HMBOX1: variants seen among roughly 807,000 people sequenced by gnomAD.
HMBOX1 encodes the protein homeobox containing 1.
A neutral mutation model predicts 54.5 loss-of-function variants in HMBOX1; 14 were observed. The observed-to-expected ratio is 0.26, with a 90% CI of 0.17 to 0.40. HMBOX1 has a LOEUF of 0.40. HMBOX1 is among the 10% of genes least tolerant of loss of function. The probability of loss-of-function intolerance (pLI) is 1.00; values close to 1 mark genes in which losing one functional copy is unlikely to be tolerated. For synonymous variants in HMBOX1, 160 were observed against 181.0 expected, an observed-to-expected ratio of 0.88 and a Z score of 0.93; for missense variants, 332 against 514.4, an observed-to-expected ratio of 0.65 and a Z score of 3.43.
chr8:28,964,748 T>C (rs1826163707), intron 2 of HMBOX1, among the ~76,000 whole-genome samples: 1 of 137,818 alleles, frequency 7.3e-6, no homozygotes, highest in Admixed American at 7.3e-5. Context: ...GTAGATTCTA[T>C]GATATAGTGA....
intron 6 of HMBOX1, among the ~76,000 whole-genome samples, chr8:29,023,113 T>C (rs1801450169): frequency 6.6e-6 from 1 of 152,040 alleles, no homozygotes; most frequent in South Asian, 2.1e-4. Context: ...TTTACATAGC[T>C]AGATAGGTAT....
chr8:28,937,201 G>T (rs1205747515), intron 1 of HMBOX1, among the ~76,000 whole-genome samples: 1 of 152,186 alleles, frequency 6.6e-6, no homozygotes, highest in Non-Finnish European at 1.5e-5. Context: ...CTGTACAGAT[G>T]TCCTAAATCT....
At chr8:28,909,140 G>A (rs1288272263) in intron 1 of HMBOX1, among the ~76,000 whole-genome samples, 1 of 151,756 alleles carries the variant, frequency 6.6e-6, no homozygotes, top group African/African-American at 2.4e-5. Context: ...CACCAGGGTA[G>A]TTGGGGCATT....
intron 1 of HMBOX1, among the ~76,000 whole-genome samples, chr8:28,905,167 G>A (rs559279344): frequency 1.3e-5 from 2 of 152,308 alleles, no homozygotes; most frequent in South Asian, 2.1e-4. Context: ...GGTTGATTAT[G>A]ATGGTTGGTT....
chr8:28,939,854 T>C (rs758519706), intron 1 of HMBOX1, among the ~76,000 whole-genome samples: 18 of 152,054 alleles, frequency 1.2e-4, no homozygotes, highest in Non-Finnish European at 2.4e-4. Context: ...ACACTCTGAT[T>C]GCAGTAAGTT....
At chr8:28,992,367 T>C (rs761730042) in intron 4 of HMBOX1, among the ~76,000 whole-genome samples, 37 of 152,166 alleles carry the variant, frequency 2.4e-4, no homozygotes, top group Non-Finnish European at 2.9e-4. Context: ...CGTTAACCAT[T>C]ATAATTGCTT....
At chr8:28,894,954 A>C (rs28499380) in intron 1 of HMBOX1, among the ~76,000 whole-genome samples, 3,797 of 151,896 alleles carry the variant, frequency 0.025, 152 homozygotes, top group African/African-American at 0.088. Context: ...AAAAAAAAAA[A>C]CAGTAACAAT....
At chr8:28,996,190 G>A (rs1831801564) in intron 4 of HMBOX1, among the ~76,000 whole-genome samples, 5 of 151,890 alleles carry the variant, frequency 3.3e-5, no homozygotes, top group Non-Finnish European at 7.4e-5. Flanking sequence ...TCTTTATATA[G>A]GTTTATATAA....
intron 1 of HMBOX1, among the ~76,000 whole-genome samples, chr8:28,922,842 G>T (rs770236633): frequency 6.6e-6 from 1 of 151,940 alleles, no homozygotes; most frequent in Admixed American, 6.6e-5. Context: ...TACTTTTGTG[G>T]CATAATAATA....
chr8:28,975,947 TGAATGAGGAGA>T (rs1266253603), intron 3 of HMBOX1, among the ~76,000 whole-genome samples: 3 of 152,082 alleles, frequency 2.0e-5, no homozygotes, highest in Non-Finnish European at 4.4e-5. Flanking sequence ...TAAAGAAGGC[TGAATGAGGAGA>T]GAATGAGGGT....
intron 1 of HMBOX1, among the ~76,000 whole-genome samples, chr8:28,961,905 T>G (rs1196064901): frequency 1.5e-5 from 2 of 134,824 alleles, no homozygotes; most frequent in East Asian, 2.3e-4. Flanking sequence ...TTTTTTTTTT[T>G]TTTTTTTCTT....
chr8:29,012,924 A>G (rs1239092708), intron 5 of HMBOX1, among the ~76,000 whole-genome samples: 1 of 152,118 alleles, frequency 6.6e-6, no homozygotes, highest in East Asian at 1.9e-4. Context: ...TCTGTCTAGG[A>G]AAGATAGCTC....
intron 4 of HMBOX1, among the ~76,000 whole-genome samples, chr8:28,983,406 C>G (rs1050827915): frequency 6.6e-6 from 1 of 152,168 alleles, no homozygotes; most frequent in Non-Finnish European, 1.5e-5. Context: ...ATACCTTTCA[C>G]CTCCTCATCT....
rs1157418182 is a variant in HMBOX1 at position 29,045,517 on chromosome 8, A to C, written c.934+74A>C. The C allele has an allele frequency of 1.0e-5, 12 of 1,156,470 alleles. No individual in the cohort carries two copies. The Admixed American group carries it at 2.0e-4, about 20-fold the overall frequency. The allele number at this position is 1,156,470 out of a possible 1,614,324, so 71.6% of individuals were successfully genotyped here. On this transcript the variant is annotated intron_variant, in intron 7 of 9. Coordinates refer to ENST00000287701, the MANE Select transcript of HMBOX1 (RefSeq NM_001135726.3). ...TTACAGGTTGGCATCTAGGACACTT[A>C]ATCTTATGCGTGCCTTGGCATGGTG... is the stretch of plus-strand genomic sequence containing the variant.
At chr8:28,951,586 G>A (rs571811876) in intron 1 of HMBOX1, among the ~76,000 whole-genome samples, 1 of 152,282 alleles carries the variant, frequency 6.6e-6, no homozygotes, top group South Asian at 2.1e-4. Flanking sequence ...GGAAAAGGAA[G>A]CCTGGAAAAA....
intron 2 of HMBOX1, among the ~76,000 whole-genome samples, chr8:28,965,727 T>A (rs1354739909): frequency 6.6e-6 from 1 of 152,236 alleles, no homozygotes; most frequent in Non-Finnish European, 1.5e-5. Flanking sequence ...TTGGAGAAGC[T>A]GCTGACAGAG....
At chr8:28,942,950 G>T (rs1455276469) in intron 1 of HMBOX1, among the ~76,000 whole-genome samples, 1 of 152,076 alleles carries the variant, frequency 6.6e-6, no homozygotes, top group Non-Finnish European at 1.5e-5. Flanking sequence ...AAACTCTGAG[G>T]GGCTTTGTTT....
chr8:28,982,876 G>A (rs1202295912), intron 4 of HMBOX1, among the ~76,000 whole-genome samples: 2 of 152,068 alleles, frequency 1.3e-5, no homozygotes, highest in African/African-American at 4.8e-5. Flanking sequence ...CACCCGCTTC[G>A]GCCTCCCAAA....
chr8:28,988,219 A>T (rs960079770), intron 4 of HMBOX1, among the ~76,000 whole-genome samples: 4 of 152,212 alleles, frequency 2.6e-5, no homozygotes, highest in African/African-American at 9.6e-5. Context: ...ATTTAGCATG[A>T]TGCTTTTAAG....
Sources: gnomAD v4.1 joint callset for allele counts (sites outside exome capture counted in the v4.1 genomes callset) on GRCh38, gnomAD v4.1.1 for gene constraint, MANE v1.5 for transcripts, NCBI Gene and HGNC (gene_info 2026-07-23, HGNC 2026-07-21) for gene names.